Variants in ZNF236 observed in about 807,000 individuals in gnomAD.
The protein encoded by ZNF236 is zinc finger protein 236.
In ZNF236, 50 loss-of-function variants were observed where a neutral mutation model predicts 191.2. The ratio of observed to expected loss-of-function variants is 0.26; its 90% CI spans 0.21 to 0.33. The LOEUF is 0.33. Among genes scored for constraint, ZNF236 ranks in the 10% least tolerant of loss-of-function variants. The probability of loss-of-function intolerance (pLI) is 1.00; values close to 1 mark genes in which losing one functional copy is unlikely to be tolerated. For synonymous variants in ZNF236, 907 were observed against 928.8 expected (o/e 0.98, Z 0.43); for missense variants, 1,754 against 2,374.5 (o/e 0.74, Z 5.43).
At chr18:76,895,471 A>T in intron 10 of ZNF236, 186 bp downstream of exon 10, 1 of 808,940 alleles carries the variant, frequency 1.2e-6, no homozygotes, top group Non-Finnish European at 1.9e-6. Flanking sequence ...GCAATGCAGC[A>T]CCCACACCGG....
Position 76,880,360 on chromosome 18 carries a change from T to G in ZNF236, c.1188+44T>G. 3 of 1,549,620 alleles carry G rather than the reference T, an allele frequency of 1.9e-6. No individual in the cohort carries two copies. Among genetic ancestry groups the G allele is most frequent in the Non-Finnish European group, 2.6e-6 (3 of 1,140,124 alleles). On this transcript the variant is annotated intron_variant, in intron 8 of 30. Transcript: ENST00000320610. The surrounding 1 kb of genome is among the most constrained non-coding windows in gnomAD (Gnocchi z 5.0). ...CGGTGTGAGGCTTACGTGCTCGTGCTGGGTCAGAAACCAGGGATGATAATT... is the reference window on the plus strand; with the variant it reads ...CGGTGTGAGGCTTACGTGCTCGTGCGGGGTCAGAAACCAGGGATGATAATT...
At chr18:76,915,131 G>T (rs911634203) in intron 18 of ZNF236, among the ~76,000 whole-genome samples, 4 of 152,146 alleles carry the variant, frequency 2.6e-5, no homozygotes, top group Admixed American at 1.3e-4. Flanking sequence ...TAGTTACTTG[G>T]TTCTGTGTCA....
Position 76,839,301 on chromosome 18 carries a change from A to G in ZNF236, c.56-10225A>G, listed in dbSNP as rs905452068. On this transcript the variant is annotated intron_variant, in intron 1 of 30. Coordinates refer to ENST00000320610, the MANE Select transcript of ZNF236 (RefSeq NM_001306089.2). ...GTATTTAGCTTTAGTTGATGCTGCTAAATAGCTTTCAAGAGTGGCTATAGC... is the reference window on the plus strand; with the variant it reads ...GTATTTAGCTTTAGTTGATGCTGCTGAATAGCTTTCAAGAGTGGCTATAGC... Among the ~76,000 whole-genome samples the G allele has an allele frequency of 1.2e-4, 19 of 152,364 alleles. No individual in the cohort carries two copies. The East Asian group carries it at 3.3e-3, about 26-fold the overall frequency.
intron 26 of ZNF236, among the ~76,000 whole-genome samples, chr18:76,947,109 C>T (rs1352979625): frequency 6.6e-6 from 1 of 152,128 alleles, no homozygotes. Context: ...TGCATCCGTT[C>T]TGGGTATTTC....
chr18:76,884,376 C>T (rs1019444686), intron 9 of ZNF236, among the ~76,000 whole-genome samples: 4 of 149,682 alleles, frequency 2.7e-5, no homozygotes, highest in East Asian at 2.0e-4. Flanking sequence ...ACTCCAGCCC[C>T]GGCGACAGTG....
chr18:76,866,346 G>A (rs1976402346), intron 3 of ZNF236, among the ~76,000 whole-genome samples: 1 of 152,118 alleles, frequency 6.6e-6, no homozygotes, highest in Non-Finnish European at 1.5e-5. Context: ...AGCAGTAGCC[G>A]AGGTCAGCAG....
chr18:76,832,872 ATTTC>A (rs1346752913), intron 1 of ZNF236, among the ~76,000 whole-genome samples: 1 of 151,834 alleles, frequency 6.6e-6, no homozygotes. Flanking sequence ...CTCTCCTATC[ATTTC>A]TTTCCTCGTT....
intron 27 of ZNF236, among the ~76,000 whole-genome samples, chr18:76,948,535 C>T (rs1968324999): frequency 6.6e-6 from 1 of 152,170 alleles, no homozygotes; most frequent in Non-Finnish European, 1.5e-5. Flanking sequence ...GTGGTTTATA[C>T]TTGTGGTTAC....
intron 9 of ZNF236, among the ~76,000 whole-genome samples, chr18:76,883,544 C>T (rs1976960495): frequency 6.6e-6 from 1 of 152,046 alleles, no homozygotes; most frequent in African/African-American, 2.4e-5. Flanking sequence ...CTCCCTCGAC[C>T]TCCTGAGTAG....
At position 76,904,490 on chromosome 18, in the gene ZNF236, A is replaced by G; in HGVS notation, c.2005A>G (p.Lys669Glu). 1 of 1,605,478 alleles carries G rather than the reference A, an allele frequency of 6.2e-7. No individual in the cohort carries two copies. Among genetic ancestry groups the G allele is most frequent in the Non-Finnish European group, 8.5e-7 (1 of 1,176,282 alleles). Residue 669 changes from lysine (K) to glutamate (E), a missense_variant, in exon 12 of 31, where the codon AAA (lysine) becomes GAA (glutamate). Physicochemically the swap from Lys to Glu is moderately conservative, Grantham distance 56. This residue lies in a region of ZNF236 where 641 missense variants were observed against 869.6 expected (regional missense o/e 0.74). Coordinates refer to ENST00000320610, the MANE Select transcript of ZNF236 (RefSeq NM_001306089.2). Reference sequence around the variant, plus strand: ...GTGTTTTTACTGTCATCGTGCATATAAAAAATCTTGCCACCTTAAACAACA... The same window carrying G: ...GTGTTTTTACTGTCATCGTGCATATGAAAAATCTTGCCACCTTAAACAACA... ...YKCFYCHRAY[K>E]KSCHLKQHIR...
At chr18:76,893,101 G>A (rs1283039945) in intron 9 of ZNF236, among the ~76,000 whole-genome samples, 2 of 152,196 alleles carry the variant, frequency 1.3e-5, no homozygotes, top group East Asian at 3.8e-4. Context: ...GAACCTGGTG[G>A]CAGATTTAGA....
chr18:76,858,119 T>A (rs1976101255), intron 3 of ZNF236, among the ~76,000 whole-genome samples: 1 of 152,198 alleles, frequency 6.6e-6, no homozygotes, highest in African/African-American at 2.4e-5. Flanking sequence ...CATCTACACA[T>A]AATAATCGGG....
chr18:76,902,961 T>C (rs966691142), intron 11 of ZNF236, among the ~76,000 whole-genome samples: 2 of 152,134 alleles, frequency 1.3e-5, no homozygotes, highest in African/African-American at 4.8e-5. Flanking sequence ...CACAGGGTGG[T>C]GTCAGAGCTG....
intron 1 of ZNF236, among the ~76,000 whole-genome samples, chr18:76,841,694 C>CTTT (rs371645927): frequency 0.18 from 23,154 of 128,626 alleles, 2,221 homozygotes; most frequent in Non-Finnish European, 0.23. Flanking sequence ...TTTTTTTTTT[C>CTTT]TTTTTTTTTT....
intron 1 of ZNF236, among the ~76,000 whole-genome samples, chr18:76,832,192 A>G (rs1248194164): frequency 6.6e-6 from 1 of 152,056 alleles, no homozygotes; most frequent in African/African-American, 2.4e-5. Flanking sequence ...CGATTCTTGT[A>G]CCTCAGCCTC....
intron 9 of ZNF236, among the ~76,000 whole-genome samples, chr18:76,893,224 C>T (rs1411086901): frequency 6.6e-6 from 1 of 152,106 alleles, no homozygotes; most frequent in Non-Finnish European, 1.5e-5. Context: ...TCTCTCATAC[C>T]CTTTTTATAC....
Position 76,868,702 on chromosome 18 carries a change from G to A in ZNF236, c.381G>A (p.Glu127=), listed in dbSNP as rs1599348355. 2 of 1,612,364 alleles carry A rather than the reference G, an allele frequency of 1.2e-6. No individual in the cohort carries two copies. Among genetic ancestry groups the A allele is most frequent in the African/African-American group, 2.7e-5 (2 of 74,996 alleles). Residue 127 remains glutamate, a synonymous_variant, in exon 4 of 31, where the codon GAG becomes GAA. Transcript: ENST00000320610. ...HEKEENLICS[E]CGDEFTLQSQ... is the part of the protein sequence containing the mutation. ...TCTTCCAGAATCTCATCTGTTCTGA[G>A]TGTGGGGATGAGTTTACTCTGCAGA...
chr18:76,845,055 C>T (rs1975634572), intron 1 of ZNF236, among the ~76,000 whole-genome samples: 1 of 152,102 alleles, frequency 6.6e-6, no homozygotes, highest in Non-Finnish European at 1.5e-5. Context: ...GATAGGCTTT[C>T]TTATTTTTGG....
At chr18:76,967,775 T>C (rs1968820621) in intron 30 of ZNF236, among the ~76,000 whole-genome samples, 2 of 151,470 alleles carry the variant, frequency 1.3e-5, no homozygotes, top group South Asian at 4.2e-4. Flanking sequence ...GTGCGGTACT[T>C]TGTGAGGGGA....
Sources: allele counts gnomAD v4.1 joint callset (sites outside exome capture counted in the v4.1 genomes callset), GRCh38; gene constraint gnomAD v4.1.1; regional missense constraint gnomAD v4.1.1; non-coding constraint Gnocchi (gnomAD v3.1); transcripts MANE v1.5; gene names NCBI Gene and HGNC (gene_info 2026-07-23, HGNC 2026-07-21).